Variants in CRYBG3 observed in about 807,000 individuals in gnomAD.
CRYBG3 encodes very large A-kinase anchor protein.
CRYBG3 carries 127 observed loss-of-function variants against 244.2 expected under a neutral mutation model. The ratio of observed to expected loss-of-function variants is 0.52; its 90% CI spans 0.45 to 0.60. CRYBG3 has a LOEUF of 0.60. Among genes scored for constraint, CRYBG3 ranks in the 20% least tolerant of loss-of-function variants. The pLI is 0.00. For synonymous variants in CRYBG3, 1,132 were observed against 1,195.8 expected (o/e 0.95, Z 1.10); for missense variants, 3,325 against 3,442.5 (o/e 0.97, Z 0.85).
intron 1 of CRYBG3, among the ~76,000 whole-genome samples, chr3:97,839,289 C>CT (rs1389069877): frequency 6.6e-6 from 1 of 151,986 alleles, no homozygotes; most frequent in African/African-American, 2.4e-5. Context: ...CACCCCAAGC[C>CT]TTTTGAGTCC....
intron 15 of CRYBG3, among the ~76,000 whole-genome samples, chr3:97,911,825 A>G (rs1317167273): frequency 6.6e-6 from 1 of 152,204 alleles, no homozygotes. Context: ...CATAGGGCAT[A>G]ATGATTTTTT....
At chr3:97,837,833 C>T (rs534229330) in intron 1 of CRYBG3, among the ~76,000 whole-genome samples, 42 of 152,238 alleles carry the variant, frequency 2.8e-4, no homozygotes, top group Non-Finnish European at 4.0e-4. Context: ...CTCTAGAAGA[C>T]GCTTATGGAA....
intron 2 of CRYBG3, among the ~76,000 whole-genome samples, chr3:97,858,038 C>T (rs146620465): frequency 3.6e-4 from 54 of 151,936 alleles, no homozygotes; most frequent in East Asian, 2.3e-3. Flanking sequence ...AAATGTGGGG[C>T]ACCCTTAAGC....
intron 15 of CRYBG3, among the ~76,000 whole-genome samples, chr3:97,904,895 C>G (rs568801450): frequency 7.9e-5 from 10 of 126,048 alleles, no homozygotes; most frequent in Non-Finnish European, 1.3e-4. Context: ...ACCCTCCCCC[C>G]ACCCCATGAC....
In CRYBG3 at chr3:97,875,205, G is replaced by C; in HGVS notation, c.4011G>C (p.Gln1337His). ...DTEDTWDSEL[Q>H]ANTSKILNSD... ...AGGATACTTGGGATTCTGAACTTCA[G>C]GCTAATACTTCAAAAATTCTGAACA... The change falls in exon 4 of 22, where the codon CAG becomes CAC. Residue 1337 changes from glutamine (Q) to histidine (H), a missense_variant. Gln to His is a conservative substitution (Grantham distance 24). Coordinates refer to ENST00000389622, the MANE Select transcript of CRYBG3 (RefSeq NM_153605.4). The C allele has an allele frequency of 6.5e-7, 1 of 1,533,574 alleles. No homozygotes were observed. The allele number at this position is 1,533,574 out of a possible 1,614,324, so 95.0% of individuals were successfully genotyped here.
intron 17 of CRYBG3, among the ~76,000 whole-genome samples, chr3:97,919,942 G>GT (rs1422926169): frequency 2.6e-5 from 4 of 151,900 alleles, no homozygotes; most frequent in South Asian, 4.2e-4. Context: ...GTTTTTGTGT[G>GT]TTTTTTTGGT....
At position 97,922,451 on chromosome 3, in the gene CRYBG3, C is replaced by T. The variant is rs189449244; in HGVS notation, c.8241+6715C>T. On this transcript the variant is annotated intron_variant, in intron 17 of 21. Coordinates refer to ENST00000389622, the MANE Select transcript of CRYBG3 (RefSeq NM_153605.4). The stretch of plus-strand genomic sequence containing the variant: ...TGCAATCTACCTATCTGACAAAGGG[C>T]TAATATCCAGAATCTACAAAGAACT... 5.9e-5 allele frequency among the ~76,000 whole-genome samples: 9 copies of T among 152,188 alleles called. 1 individual carries two copies. The highest frequency in any genetic ancestry group is 2.2e-4 in the African/African-American group (9 of 41,536).
intron 19 of CRYBG3, 94 bp from the exon 20 acceptor site, chr3:97,941,054 T>TA (rs1402257735): frequency 6.3e-6 from 6 of 956,076 alleles, no homozygotes; most frequent in Non-Finnish European, 9.5e-6. Context: ...CTAAGATAGT[T>TA]ACCTCTCACT....
At chr3:97,831,569 G>T (rs2038654291) in intron 1 of CRYBG3, among the ~76,000 whole-genome samples, 1 of 152,066 alleles carries the variant, frequency 6.6e-6, no homozygotes. Context: ...TTTTGTAAAA[G>T]AATTATTGAT....
At chr3:97,891,281 A>G (rs1403098819) in intron 10 of CRYBG3, among the ~76,000 whole-genome samples, 1 of 152,210 alleles carries the variant, frequency 6.6e-6, no homozygotes, top group Non-Finnish European at 1.5e-5. Flanking sequence ...GTTATAAGGC[A>G]GTTTACCCTA....
chr3:97,892,518 A>C (rs1430591289), intron 10 of CRYBG3, among the ~76,000 whole-genome samples: 2 of 152,106 alleles, frequency 1.3e-5, no homozygotes, highest in Non-Finnish European at 2.9e-5. Flanking sequence ...TCTTCTACCC[A>C]AGCTTCACCA....
At chr3:97,879,440 A>T (rs2039420144) in intron 4 of CRYBG3, among the ~76,000 whole-genome samples, 1 of 152,164 alleles carries the variant, frequency 6.6e-6, no homozygotes, top group Non-Finnish European at 1.5e-5. Context: ...TGTGAATGTA[A>T]CTTAGTCCCC....
chr3:97,926,172 A>G (rs1285837869), intron 17 of CRYBG3, among the ~76,000 whole-genome samples: 2 of 152,104 alleles, frequency 1.3e-5, no homozygotes, highest in Admixed American at 6.6e-5. Flanking sequence ...AATCCTCAAC[A>G]AAGTACTGGC....
At chr3:97,932,988 C>T (rs920288137) in intron 17 of CRYBG3, 1 of 344,092 alleles carries the variant, frequency 2.9e-6, no homozygotes, top group African/African-American at 2.2e-5. Context: ...CACTGGATTA[C>T]ATTACAATAT....
chr3:97,881,017 G>C (rs2039439853), intron 6 of CRYBG3, 55 bp from the exon 7 acceptor site: 1 of 1,387,630 alleles, frequency 7.2e-7, no homozygotes, highest in Admixed American at 2.7e-5. Flanking sequence ...TGACTTATAT[G>C]CCTTATTTCT....
At chr3:97,828,822 C>T (rs1204012378) in intron 1 of CRYBG3, among the ~76,000 whole-genome samples, 1 of 116,212 alleles carries the variant, frequency 8.6e-6, no homozygotes, top group Non-Finnish European at 1.9e-5. Context: ...GAGTGAAACT[C>T]CATCTCAAAA....
At chr3:97,865,289 G>C (rs1289515220) in intron 3 of CRYBG3, among the ~76,000 whole-genome samples, 1 of 152,112 alleles carries the variant, frequency 6.6e-6, no homozygotes, top group Non-Finnish European at 1.5e-5. Context: ...GTATTCATTT[G>C]TAACTAGTAA....
intron 2 of CRYBG3, among the ~76,000 whole-genome samples, chr3:97,855,793 G>A (rs2039055579): frequency 6.6e-6 from 1 of 152,126 alleles, no homozygotes; most frequent in African/African-American, 2.4e-5. Context: ...AGGGGAGGGA[G>A]TGTGCAAATA....
At chr3:97,843,505 A>G (rs548070028) in intron 2 of CRYBG3, among the ~76,000 whole-genome samples, 1 of 152,150 alleles carries the variant, frequency 6.6e-6, no homozygotes, top group Non-Finnish European at 1.5e-5. Flanking sequence ...CACTAACCCA[A>G]CTGTGTGATC....
Sources: gnomAD v4.1 joint callset for allele counts (sites outside exome capture counted in the v4.1 genomes callset) on GRCh38, gnomAD v4.1.1 for gene constraint, MANE v1.5 for transcripts, NCBI Gene and HGNC (gene_info 2026-07-23, HGNC 2026-07-21) for gene names.